TRIM2: variants seen among roughly 807,000 people sequenced by gnomAD.
TRIM2 encodes tripartite motif-containing protein 2.
Under a neutral mutation model 75.2 loss-of-function variants are expected in TRIM2, and 20 were observed. The ratio of observed to expected loss-of-function variants is 0.27; its 90% confidence interval spans 0.19 to 0.39. The LOEUF is 0.39. Among genes scored for constraint, TRIM2 ranks in the 10% least tolerant of loss-of-function variants. TRIM2 has a pLI of 1.00. For missense variants in TRIM2, 660 were observed against 990.8 expected (o/e 0.67, Z 4.48); for synonymous variants, 373 against 388.3 (o/e 0.96, Z 0.46).
rs778942260 is a variant in TRIM2 at position 153,322,841 on chromosome 4, C to A, written c.1951+25C>A. On this transcript the variant is annotated intron_variant, in intron 9 of 11. Coordinates refer to ENST00000338700, the MANE Select transcript of TRIM2 (RefSeq NM_015271.5). ...GGTACACTCGATGGTAATATGTAAA[C>A]CCCCTTTTTTATGCTTCTTCTGCTC... is the stretch of plus-strand genomic sequence containing the variant. 4 of 1,613,026 alleles carry A rather than the reference C, an allele frequency of 2.5e-6. No individual in the cohort carries two copies. The South Asian group carries it at 3.3e-5, about 13-fold the overall frequency.
chr4:153,198,092 C>T (rs562808630), intron 1 of TRIM2, among the ~76,000 whole-genome samples: 1 of 152,122 alleles, frequency 6.6e-6, no homozygotes, highest in South Asian at 2.1e-4. Context: ...GTTATAACAG[C>T]CCAAATAGAC....
chr4:153,336,567 T>C lies in TRIM2; in HGVS notation c.*1601T>C, dbSNP rs775168783. 56 of 985,742 alleles carry C rather than the reference T, an allele frequency of 5.7e-5. No homozygotes were observed. The highest frequency in any genetic ancestry group is 6.5e-5 in the Non-Finnish European group (54 of 829,942). The allele number at this position is 985,742 out of a possible 1,614,324, so 61.1% of individuals were successfully genotyped here. On this transcript the variant is annotated 3_prime_UTR_variant, in exon 12 of 12. Transcript: ENST00000338700. The stretch of plus-strand genomic sequence containing the variant: ...CTCAGTTCTACCAAATAGGATGTCA[T>C]GTTTGACATTTTTGATAGTGACTTT...
At chr4:153,194,233 C>T (rs1237463610) in intron 1 of TRIM2, among the ~76,000 whole-genome samples, 1 of 152,140 alleles carries the variant, frequency 6.6e-6, no homozygotes, top group African/African-American at 2.4e-5. Flanking sequence ...CTCATCTCTC[C>T]CCTAATCTTA....
intron 1 of TRIM2, among the ~76,000 whole-genome samples, chr4:153,263,472 C>T (rs1480864914): frequency 2.6e-5 from 4 of 152,158 alleles, no homozygotes; most frequent in Non-Finnish European, 5.9e-5. Flanking sequence ...TGAATAAGTC[C>T]GTTTCCATGT....
At chr4:153,185,443 A>G (rs1392655506) in intron 1 of TRIM2, among the ~76,000 whole-genome samples, 1 of 151,566 alleles carries the variant, frequency 6.6e-6, no homozygotes, top group Non-Finnish European at 1.5e-5. Context: ...AGGCTTGATC[A>G]TACTCTGCAC....
Position 153,270,350 on chromosome 4 carries a change from T to G in TRIM2, c.46T>G (p.Ser16Ala). ...TGTCTGACAGCAGCAGCGTGCAGGGTCAAAGACAGCCGGCCCCCCATGTCA... is the reference window on the plus strand; with the variant it reads ...TGTCTGACAGCAGCAGCGTGCAGGGGCAAAGACAGCCGGCCCCCCATGTCA... ...RYGTQQQRAG[S>A]KTAGPPCQWS... is the part of the protein sequence containing the mutation. The change falls in exon 2 of 12, where the codon TCA becomes GCA. Residue 16 changes from serine to alanine, a missense_variant. Ser to Ala is a moderately conservative substitution (Grantham distance 99, BLOSUM62 1). Coordinates refer to ENST00000338700, the MANE Select transcript of TRIM2 (RefSeq NM_015271.5). 6.2e-7 allele frequency: 1 copy of G among 1,613,038 alleles called. No individual in the cohort carries two copies. Among genetic ancestry groups the G allele is most frequent in the Non-Finnish European group, 8.5e-7 (1 of 1,179,526 alleles).
At chr4:153,285,625 G>A (rs898617840) in intron 3 of TRIM2, among the ~76,000 whole-genome samples, 4 of 152,054 alleles carry the variant, frequency 2.6e-5, no homozygotes, top group African/African-American at 4.8e-5. Flanking sequence ...GCCTAGCTGG[G>A]AATTGTTTTC....
intron 1 of TRIM2, among the ~76,000 whole-genome samples, chr4:153,197,690 G>A (rs1304026666): frequency 6.6e-6 from 1 of 152,084 alleles, no homozygotes; most frequent in Admixed American, 6.6e-5. Context: ...TGGCCAATAT[G>A]GAGAAACCCC....
intron 6 of TRIM2, 121 bp downstream of exon 6, chr4:153,296,157 G>T: frequency 7.9e-7 from 1 of 1,261,620 alleles, no homozygotes; most frequent in East Asian, 2.6e-5. Context: ...GTTAGGAGAT[G>T]TACTGCTATA....
intron 3 of TRIM2, among the ~76,000 whole-genome samples, chr4:153,280,073 C>A (rs1758920599): frequency 6.7e-6 from 1 of 148,772 alleles, no homozygotes; most frequent in Non-Finnish European, 1.5e-5. Flanking sequence ...GACCCTGCCC[C>A]TACCCCCACC....
chr4:153,311,752 G>A (rs1443858006), intron 6 of TRIM2, among the ~76,000 whole-genome samples: 2 of 149,384 alleles, frequency 1.3e-5, no homozygotes, highest in African/African-American at 5.0e-5. Context: ...GTAGAGATGG[G>A]TTCTTACTGT....
chr4:153,182,960 G>T (rs1230518770), intron 1 of TRIM2, among the ~76,000 whole-genome samples: 1 of 152,116 alleles, frequency 6.6e-6, no homozygotes, highest in African/African-American at 2.4e-5. Context: ...TTTGTTTATT[G>T]TCTAATTTCC....
intron 1 of TRIM2, among the ~76,000 whole-genome samples, chr4:153,225,248 C>T (rs926866548): frequency 1.3e-5 from 2 of 152,134 alleles, no homozygotes; most frequent in Admixed American, 6.5e-5. Context: ...TTATAAATTC[C>T]CAAAGACAGC....
chr4:153,243,324 A>G (rs1288321527), intron 1 of TRIM2, among the ~76,000 whole-genome samples: 1 of 152,240 alleles, frequency 6.6e-6, no homozygotes, highest in Admixed American at 6.5e-5. Context: ...CTGAAGATCC[A>G]CATGAAGGGG....
At chr4:153,230,540 AAACAC>A (rs1743349015) in intron 1 of TRIM2, among the ~76,000 whole-genome samples, 1 of 152,176 alleles carries the variant, frequency 6.6e-6, no homozygotes. Flanking sequence ...CACACCAAAC[AAACAC>A]TTGTCTCAGG....
Position 153,176,055 on chromosome 4 carries a change from TA to T in TRIM2, c.-49+22796del, listed in dbSNP as rs879840411. ...GGGCAACATAGTGAGACTCCACCTCTAAAAAAAAAAACTTTTTTTTAAGAGT... is the reference window on the plus strand; with the variant it reads ...GGGCAACATAGTGAGACTCCACCTCTAAAAAAAAAACTTTTTTTTAAGAGT... On this transcript the variant is annotated intron_variant, in intron 1 of 11. Coordinates refer to the TRIM2 transcript ENST00000437508. Among the ~76,000 whole-genome samples, 329 of 143,838 alleles carry T rather than the reference TA, an allele frequency of 2.3e-3. 1 individual carries two copies. Among genetic ancestry groups the T allele is most frequent in the Admixed American group, 3.4e-3 (49 of 14,308 alleles). The allele number at this position is 143,838 out of a possible 152,430, so 94.4% of individuals were successfully genotyped here.
chr4:153,236,513 A>G (rs986836312), intron 1 of TRIM2, among the ~76,000 whole-genome samples: 1 of 152,116 alleles, frequency 6.6e-6, no homozygotes, highest in East Asian at 1.9e-4. Context: ...TTTTAAACAA[A>G]CAGTAGTAGT....
chr4:153,258,207 G>T (rs1170059331), intron 1 of TRIM2, among the ~76,000 whole-genome samples: 1 of 152,076 alleles, frequency 6.6e-6, no homozygotes, highest in Non-Finnish European at 1.5e-5. Flanking sequence ...TTCCATGGCT[G>T]GCAGTTACCA....
intron 1 of TRIM2, among the ~76,000 whole-genome samples, chr4:153,193,845 C>G (rs1733481518): frequency 6.6e-6 from 1 of 152,040 alleles, no homozygotes; most frequent in South Asian, 2.1e-4. Flanking sequence ...GCAGAGGAGG[C>G]AGTGAATCAA....
Sources: allele counts gnomAD v4.1 joint callset (sites outside exome capture counted in the v4.1 genomes callset), GRCh38; gene constraint gnomAD v4.1.1; transcripts MANE v1.5; gene names NCBI Gene and HGNC (gene_info 2026-07-23, HGNC 2026-07-21).